Variants in SIGMAR1 observed in about 807,000 individuals in gnomAD.
The protein encoded by SIGMAR1 is SR31747 binding protein 1.
In SIGMAR1, 18 loss-of-function variants were observed where a neutral mutation model predicts 25.4. The observed-to-expected ratio is 0.71, with a 90% CI of 0.49 to 1.05. The LOEUF (loss-of-function observed/expected upper bound fraction) is 1.05, where lower values mean the gene tolerates loss of function less well. SIGMAR1 is among the 50% of genes least tolerant of loss of function. The pLI is 0.00. For synonymous variants in SIGMAR1, 125 were observed against 131.6 expected, an observed-to-expected ratio of 0.95 and a Z score of 0.34; for missense variants, 249 against 301.6, an observed-to-expected ratio of 0.83 and a Z score of 1.29.
At position 34,634,952 on chromosome 9, in the gene SIGMAR1, C is replaced by G. The variant is rs1178056466; in HGVS notation, c.*680G>C. 4 of 160,350 alleles carry G rather than the reference C, an allele frequency of 2.5e-5. No homozygotes were observed. The highest frequency in any genetic ancestry group is 5.8e-5 in the Admixed American group (1 of 17,144). The allele number at this position is 160,350 out of a possible 1,614,324, so 9.9% of individuals were successfully genotyped here. ...TGAAACCAGCTTCCACATCATACCC[C>G]CAAAGGAAGAATGGGGGTCTTTCTG... On this transcript the variant is annotated 3_prime_UTR_variant, in exon 4 of 4. Coordinates refer to ENST00000277010, the MANE Select transcript of SIGMAR1 (RefSeq NM_005866.4).
Position 34,637,231 on chromosome 9 carries a change from C to T in SIGMAR1, c.341G>A (p.Arg114His). ...CCGCTAGCACTGACCCGAGTGGCCG[C>T]GGGAGCCCAAGGCGGTGCCGAAGAG... ...VLLFGTALGS[R>H]GHSGRYWAEI... Residue 114 changes from arginine (R) to histidine (H), a missense_variant, in exon 2 of 4, where the codon CGC becomes CAC. Physicochemically the swap from Arg to His is conservative, Grantham distance 29 (BLOSUM62 0). Transcript: ENST00000277010. 6.4e-7 allele frequency: 1 copy of T among 1,559,432 alleles called. No homozygotes were observed. Among genetic ancestry groups the T allele is most frequent in the Non-Finnish European group, 8.6e-7 (1 of 1,156,794 alleles).
At chr9:34,636,772 A>C (rs1348920056) in intron 3 of SIGMAR1, 1 of 600,716 alleles carries the variant, frequency 1.7e-6, no homozygotes, top group Non-Finnish European at 3.0e-6. Flanking sequence ...TAAAAATCAG[A>C]CATGTTTAAT....
Position 34,635,508 on chromosome 9 carries a change from T to C in SIGMAR1, c.*124A>G, listed in dbSNP as rs1820812683. 1.7e-5 allele frequency: 24 copies of C among 1,417,568 alleles called. 1 individual carries two copies. The highest frequency in any genetic ancestry group is 2.1e-5 in the Non-Finnish European group (22 of 1,027,874). 87.8% of individuals were successfully genotyped at this position (1,417,568 alleles called of 1,614,324 possible). ...ACATAAGCATGGATATCCCTGCTCA[T>C]ACAGCAGGAACTCAGGATCTGCATG... On this transcript the variant is annotated 3_prime_UTR_variant, in exon 4 of 4. Coordinates refer to ENST00000277010, the MANE Select transcript of SIGMAR1 (RefSeq NM_005866.4). This position sits in a 1 kb window ranked among gnomAD's most constrained non-coding sequence, Gnocchi z 4.5.
intron 3 of SIGMAR1, among the ~76,000 whole-genome samples, chr9:34,636,477 CA>C (rs1304362326): frequency 6.6e-6 from 1 of 151,528 alleles, no homozygotes; most frequent in Non-Finnish European, 1.5e-5. Flanking sequence ...ACTAAAAATA[CA>C]AAAAAAATTA....
In SIGMAR1 at chr9:34,635,615, C is replaced by T; in HGVS notation, c.*17G>A. ...CCGCTCCTGTCTATCCGCAGGTCTT[C>T]CTTCAGGCCTGGCTGGTCAAGGGTC... On this transcript the variant is annotated 3_prime_UTR_variant, in exon 4 of 4. Transcript: ENST00000277010. The surrounding 1 kb of genome is among the most constrained non-coding windows in gnomAD (Gnocchi z 4.5). 1.2e-6 allele frequency: 2 copies of T among 1,613,970 alleles called. No individual in the cohort carries two copies. The highest frequency in any genetic ancestry group is 1.7e-6 in the Non-Finnish European group (2 of 1,179,904).
In SIGMAR1 at chr9:34,637,219, C is replaced by A; in HGVS notation, c.352+1G>T. On this transcript the variant is annotated splice_donor_variant, in intron 2 of 3. Coordinates refer to ENST00000277010, the MANE Select transcript of SIGMAR1 (RefSeq NM_005866.4). LOFTEE classifies it high-confidence loss of function. ...CAGTCTGGCCCGCCGCTAGCACTGA[C>A]CCGAGTGGCCGCGGGAGCCCAAGGC... The A allele has an allele frequency of 6.4e-7, 1 of 1,558,026 alleles. No individual in the cohort carries two copies. The highest frequency in any genetic ancestry group is 8.7e-7 in the Non-Finnish European group (1 of 1,156,052).
At position 34,637,386 on chromosome 9, in the gene SIGMAR1, G is replaced by C; in HGVS notation, c.186C>G (p.Ile62Met). 6.2e-7 allele frequency: 1 copy of C among 1,605,626 alleles called. No individual in the cohort carries two copies. The highest frequency in any genetic ancestry group is 1.1e-5 in the South Asian group (1 of 90,890). ...LDHELAFSRL[I>M]VELRRLHPGH... ...CTGGGTGCAGCCGCCGCAGCTCCAC[G>C]ATCAGACGAGAGAAGGCCAGCTCGT... is the stretch of plus-strand genomic sequence containing the variant. The change falls in exon 2 of 4, where the codon ATC becomes ATG. Residue 62 changes from isoleucine to methionine, a missense_variant. Ile to Met is a conservative substitution (Grantham distance 10). Coordinates refer to ENST00000277010, the MANE Select transcript of SIGMAR1 (RefSeq NM_005866.4).
At chr9:34,637,493 C>T (rs1156375894) in intron 1 of SIGMAR1, 54 bp downstream of exon 1, 1 of 1,580,170 alleles carries the variant, frequency 6.3e-7, no homozygotes, top group African/African-American at 1.3e-5. Flanking sequence ...CCTTCGGAAC[C>T]CTAGGCTCCG....
Position 34,635,576 on chromosome 9 carries a change from A to G in SIGMAR1, c.*56T>C. On this transcript the variant is annotated 3_prime_UTR_variant, in exon 4 of 4. Coordinates refer to ENST00000277010, the MANE Select transcript of SIGMAR1 (RefSeq NM_005866.4). The surrounding 1 kb of genome is among the most constrained non-coding windows in gnomAD (Gnocchi z 4.5). Reference sequence around the variant, plus strand: ...TAAACATGGGCTCCAGCAAGTGGATATGTGCGGGCCTGCCCGCTCCTGTCT... The same window carrying G: ...TAAACATGGGCTCCAGCAAGTGGATGTGTGCGGGCCTGCCCGCTCCTGTCT... The G allele has an allele frequency of 6.2e-7, 1 of 1,609,710 alleles. No individual in the cohort carries two copies. The highest frequency in any genetic ancestry group is 8.5e-7 in the Non-Finnish European group (1 of 1,178,334).
In SIGMAR1 at chr9:34,635,888, G is replaced by C. The variant is rs1373062983; in HGVS notation, c.446-30C>G. The C allele has an allele frequency of 6.2e-7, 1 of 1,612,750 alleles. No individual in the cohort carries two copies. The highest frequency in any genetic ancestry group is 8.5e-7 in the Non-Finnish European group (1 of 1,179,870). On this transcript the variant is annotated intron_variant, in intron 3 of 3. Coordinates refer to ENST00000277010, the MANE Select transcript of SIGMAR1 (RefSeq NM_005866.4). The surrounding 1 kb of genome is among the most constrained non-coding windows in gnomAD (Gnocchi z 4.5). ...GGGACAGGGAGCACCCAAGTGAAAA[G>C]CCAGCTCTGCCCTGCCCTTCCATGG...
Position 34,637,171 on chromosome 9 carries a change from G to A in SIGMAR1, c.352+49C>T, listed in dbSNP as rs774440885. 5.1e-6 allele frequency: 8 copies of A among 1,572,694 alleles called. No homozygotes were observed. In the East Asian group the frequency reaches 7.0e-5, roughly 14 times the overall value. Reference sequence around the variant, plus strand: ...CCAAACATCAGAAAGGAGGGCATGGGCCCCTTTACAACCCCAGCCTCCCAG... The same window carrying A: ...CCAAACATCAGAAAGGAGGGCATGGACCCCTTTACAACCCCAGCCTCCCAG... On this transcript the variant is annotated intron_variant, in intron 2 of 3. Coordinates refer to ENST00000277010, the MANE Select transcript of SIGMAR1 (RefSeq NM_005866.4).
rs1820804023 is a variant in SIGMAR1 at position 34,635,373 on chromosome 9, A to G, written c.*259T>C. ...TCTGAACACAACTGGCTCCCTTGGT[A>G]TACCGGGGGCTCCCTCTCCAGATGG... On this transcript the variant is annotated 3_prime_UTR_variant, in exon 4 of 4. Coordinates refer to ENST00000277010, the MANE Select transcript of SIGMAR1 (RefSeq NM_005866.4). This position sits in a 1 kb window ranked among gnomAD's most constrained non-coding sequence, Gnocchi z 4.5. 1 of 525,092 alleles carries G rather than the reference A, an allele frequency of 1.9e-6. No homozygotes were observed. The highest frequency in any genetic ancestry group is 3.4e-6 in the Non-Finnish European group (1 of 290,338). The allele number at this position is 525,092 out of a possible 1,614,324, so 32.5% of individuals were successfully genotyped here.
chr9:34,635,860 TG>T lies in SIGMAR1; in HGVS notation c.446-3del. 6.2e-7 allele frequency: 1 copy of T among 1,613,890 alleles called. No homozygotes were observed. Among genetic ancestry groups the T allele is most frequent in the Non-Finnish European group, 8.5e-7 (1 of 1,179,998 alleles). ...CAGGCCCGTGTACTACCGTCTCCCC[TG>T]GGGGACAGGGAGCACCCAAGTGAAA... On this transcript the variant is annotated splice_region_variant and splice_polypyrimidine_tract_variant and intron_variant, in intron 3 of 3. Transcript: ENST00000277010. The surrounding 1 kb of genome is among the most constrained non-coding windows in gnomAD (Gnocchi z 4.5).
rs543743314 is a variant in SIGMAR1, at chr9:34,635,865, G to C, written c.446-7C>G. 37 of 1,613,854 alleles carry C rather than the reference G, an allele frequency of 2.3e-5. No individual in the cohort carries two copies. The South Asian group carries it at 3.4e-4, about 15-fold the overall frequency. ...CCGTGTACTACCGTCTCCCCTGGGG[G>C]ACAGGGAGCACCCAAGTGAAAAGCC... On this transcript the variant is annotated splice_polypyrimidine_tract_variant and splice_region_variant and intron_variant, in intron 3 of 3. Transcript: ENST00000277010. The surrounding 1 kb of genome is among the most constrained non-coding windows in gnomAD (Gnocchi z 4.5).
At chr9:34,636,073 C>A (rs1207303605) in intron 3 of SIGMAR1, among the ~76,000 whole-genome samples, 1 of 152,106 alleles carries the variant, frequency 6.6e-6, no homozygotes, top group African/African-American at 2.4e-5. Context: ...AAGCCATGGA[C>A]GGCTACCTCG....
rs1393673065 is a variant in SIGMAR1 at position 34,635,296 on chromosome 9, C to T, written c.*336G>A. ...GGTTTGGTGGGGAGGAGGTGGGAAG[C>T]TGTGGAGCTATGGAAAGGCCTCAGT... On this transcript the variant is annotated 3_prime_UTR_variant, in exon 4 of 4. Coordinates refer to ENST00000277010, the MANE Select transcript of SIGMAR1 (RefSeq NM_005866.4). The surrounding 1 kb of genome is among the most constrained non-coding windows in gnomAD (Gnocchi z 4.5). The T allele has an allele frequency of 5.2e-6, 2 of 381,844 alleles. No individual in the cohort carries two copies. Among genetic ancestry groups the T allele is most frequent in the East Asian group, 1.3e-4 (2 of 15,532 alleles). 23.7% of individuals were successfully genotyped at this position (381,844 alleles called of 1,614,324 possible). A position where few individuals can be genotyped will look rare whatever the true frequency, so the allele number is the denominator to read the frequency against.
chr9:34,636,406 G>A (rs1393114212), intron 3 of SIGMAR1, among the ~76,000 whole-genome samples: 1 of 151,940 alleles, frequency 6.6e-6, no homozygotes. Context: ...GGCCGAGGCG[G>A]GTGGATCACG....
Position 34,635,939 on chromosome 9 carries a change from A to C in SIGMAR1, c.446-81T>G. ...CTGCTGCTTCCCTGGCCCATGGACT[A>C]ACTAGGGGTGGGGAATGGAGAGGGA... is the stretch of plus-strand genomic sequence containing the variant. On this transcript the variant is annotated intron_variant, in intron 3 of 3. Coordinates refer to ENST00000277010, the MANE Select transcript of SIGMAR1 (RefSeq NM_005866.4). This position sits in a 1 kb window ranked among gnomAD's most constrained non-coding sequence, Gnocchi z 4.5. 6.3e-7 allele frequency: 1 copy of C among 1,590,226 alleles called. No homozygotes were observed. Among genetic ancestry groups the C allele is most frequent in the Non-Finnish European group, 8.5e-7 (1 of 1,169,622 alleles).
chr9:34,637,774 C>G lies in SIGMAR1; in HGVS notation c.-77G>C, dbSNP rs972487246. On this transcript the variant is annotated 5_prime_UTR_variant, in exon 1 of 4. Transcript: ENST00000277010. ...GCTTTGCGCTCACGGCCTCGGAGCC[C>G]GCCGGCTGCCCACGAAGCGCTCCCC... 9.0e-7 allele frequency: 1 copy of G among 1,108,746 alleles called. No homozygotes were observed. Among genetic ancestry groups the G allele is most frequent in the East Asian group, 3.1e-5 (1 of 31,976 alleles). The allele number at this position is 1,108,746 out of a possible 1,614,324, so 68.7% of individuals were successfully genotyped here.
Sources: gnomAD v4.1 joint callset for allele counts (sites outside exome capture counted in the v4.1 genomes callset) on GRCh38, gnomAD v4.1.1 for gene constraint, Gnocchi (gnomAD v3.1) non-coding constraint, MANE v1.5 for transcripts, NCBI Gene and HGNC (gene_info 2026-07-23, HGNC 2026-07-21) for gene names.